SLCO1A2: variants seen among roughly 807,000 people sequenced by gnomAD.
SLCO1A2 encodes the protein OATP-1.
SLCO1A2 carries 67 observed loss-of-function variants against 69.0 expected under a neutral mutation model. The ratio of observed to expected loss-of-function variants is 0.97; its 90% CI spans 0.80 to 1.19. SLCO1A2 has a LOEUF of 1.19. SLCO1A2 is among the 50% of genes most tolerant of loss of function. SLCO1A2 has a pLI of 0.00. For missense variants in SLCO1A2, 787 were observed against 793.7 expected (o/e 0.99, Z 0.10); for synonymous variants, 260 against 265.9 (o/e 0.98, Z 0.22).
chr12:21,398,463 C>A (rs1451964485), upstream of SLCO1A2, among the ~76,000 whole-genome samples: 2 of 144,614 alleles, frequency 1.4e-5, no homozygotes, highest in Admixed American at 7.0e-5. Flanking sequence ...GGAACTGGTA[C>A]CATTCCTTCT....
intron 2 of SLCO1A2, among the ~76,000 whole-genome samples, chr12:21,350,835 C>CAAAAAAAAAAAAA (rs11454466): frequency 4.9e-5 from 2 of 40,732 alleles, no homozygotes; most frequent in African/African-American, 2.0e-4. Flanking sequence ...GACTCTGTCT[C>CAAAAAAAAAAAAA]AAAAAAAAAA....
At chr12:21,323,678 C>T (rs1951926176) in intron 2 of SLCO1A2, among the ~76,000 whole-genome samples, 1 of 152,182 alleles carries the variant, frequency 6.6e-6, no homozygotes, top group Non-Finnish European at 1.5e-5. Flanking sequence ...CACAAGGTAT[C>T]TTTATCCTCT....
Position 21,334,836 on chromosome 12 carries a change from T to TG in SLCO1A2, c.-73_-72insC, listed in dbSNP as rs1952827221. 2.5e-6 allele frequency: 1 copy of TG among 406,656 alleles called. No homozygotes were observed. Among genetic ancestry groups the TG allele is most frequent in the African/African-American group, 5.4e-5 (1 of 18,448 alleles). 25.2% of individuals were successfully genotyped at this position (406,656 alleles called of 1,614,324 possible). On this transcript the variant is annotated 5_prime_UTR_variant, in exon 1 of 15. Transcript: ENST00000683939. ...TGCATTACAAAAATACCTGGAACGC[T>TG]TTAATACAGATTAGAAAATCATGGT...
At chr12:21,402,559 T>C (rs1311423410) in intron 1 of SLCO1A2, among the ~76,000 whole-genome samples, 2 of 152,076 alleles carry the variant, frequency 1.3e-5, no homozygotes, top group Non-Finnish European at 2.9e-5. Context: ...GGATTGCATA[T>C]TGCAGTACAC....
At chr12:21,378,460 T>G in intron 1 of SLCO1A2, 1 of 1,527,390 alleles carries the variant, frequency 6.5e-7, no homozygotes, top group Non-Finnish European at 9.1e-7. Flanking sequence ...TTGTTTTATG[T>G]TCTAGTGATT....
chr12:21,328,973 G>C (rs887955008), intron 2 of SLCO1A2, among the ~76,000 whole-genome samples: 1 of 152,164 alleles, frequency 6.6e-6, no homozygotes. Context: ...ATTTTATAGG[G>C]ATGGTTGGGA....
chr12:21,303,881 A>T (rs1158554048), intron 6 of SLCO1A2, among the ~76,000 whole-genome samples: 2 of 152,224 alleles, frequency 1.3e-5, no homozygotes, highest in Non-Finnish European at 2.9e-5. Context: ...ATGAGTAATA[A>T]GTGGACAGAT....
intron 1 of SLCO1A2, chr12:21,378,447 T>C: frequency 6.4e-7 from 1 of 1,570,592 alleles, no homozygotes; most frequent in Non-Finnish European, 8.8e-7. Flanking sequence ...AACTCTATAG[T>C]TATTGTTTTA....
intron 1 of SLCO1A2, among the ~76,000 whole-genome samples, chr12:21,402,384 A>G (rs1941735031): frequency 6.6e-6 from 1 of 152,126 alleles, no homozygotes; most frequent in African/African-American, 2.4e-5. Context: ...GAAAATGCAA[A>G]TAGACAAAAA....
chr12:21,343,445 T>C (rs1466490965), intron 2 of SLCO1A2, among the ~76,000 whole-genome samples: 1 of 152,116 alleles, frequency 6.6e-6, no homozygotes, highest in Admixed American at 6.6e-5. Context: ...GCCCCTTTTT[T>C]CTTGCAGGAC....
rs1483479690 is a variant in SLCO1A2 at position 21,268,593 on chromosome 12, T to G, written c.*955A>C. On this transcript the variant is annotated 3_prime_UTR_variant, in exon 15 of 15. Transcript: ENST00000683939. The stretch of plus-strand genomic sequence containing the variant: ...AATAATAATATAAGTAGATTTAGCT[T>G]TTAATATGTACCTTAGCCTTTACTA... 4 of 152,110 alleles carry G rather than the reference T, an allele frequency of 2.6e-5. No individual in the cohort carries two copies. The highest frequency in any genetic ancestry group is 9.7e-5 in the African/African-American group (4 of 41,430). The allele number at this position is 152,110 out of a possible 1,614,324, so 9.4% of individuals were successfully genotyped here.
intron 2 of SLCO1A2, among the ~76,000 whole-genome samples, chr12:21,348,594 C>G (rs1937683263): frequency 6.6e-6 from 1 of 152,012 alleles, no homozygotes; most frequent in Non-Finnish European, 1.5e-5. Flanking sequence ...TTTTTACTCC[C>G]TTTTTTAAAA....
rs77174875 is a variant in SLCO1A2, at chr12:21,392,863, A to G, written c.-190+2043T>C. 7.2e-4 allele frequency among the ~76,000 whole-genome samples: 109 copies of G among 152,356 alleles called. 1 individual carries two copies. The highest frequency in any genetic ancestry group is 2.6e-3 in the African/African-American group (107 of 41,592). On this transcript the variant is annotated intron_variant, in intron 1 of 15. Transcript: ENST00000307378. The stretch of plus-strand genomic sequence containing the variant: ...TCATTTTCCATGTAGACCCTTTTGA[A>G]AAGCCAACCTCTCTGAAAATGTATC...
At chr12:21,395,974 C>A (rs199940639), upstream of SLCO1A2, among the ~76,000 whole-genome samples, 42 of 151,010 alleles carry the variant, frequency 2.8e-4, no homozygotes, top group East Asian at 7.1e-3. Flanking sequence ...GCCTCTCCTC[C>A]TCCAAAGGAA....
chr12:21,273,338 C>T (rs1699712388), intron 14 of SLCO1A2, among the ~76,000 whole-genome samples: 1 of 152,060 alleles, frequency 6.6e-6, no homozygotes, highest in South Asian at 2.1e-4. Context: ...TTTACTGTTC[C>T]AACATCCTTG....
At chr12:21,290,076 CAT>C (rs755651314) in intron 12 of SLCO1A2, among the ~76,000 whole-genome samples, 3 of 151,264 alleles carry the variant, frequency 2.0e-5, no homozygotes, top group Non-Finnish European at 2.9e-5. Context: ...TGTGTGTGTG[CAT>C]ATAGAGACAT....
rs764399843 is a variant in SLCO1A2, at chr12:21,274,523, G to A, written c.1739C>T (p.Thr580Ile). The change falls in exon 14 of 15, where the codon ACT becomes ATT. Residue 580 changes from threonine (T) to isoleucine (I), a missense_variant. Transcript: ENST00000683939. ...TGCCCCTGACTCACCACATTTCAAA[G>A]TTCCCCAGTGTAAACATGTGGAATC... is the stretch of plus-strand genomic sequence containing the variant. Reference protein sequence around the residue: ...LMDSTCLHWGTLKCGESGACR... With the variant: ...LMDSTCLHWGILKCGESGACR... 5.6e-6 allele frequency: 9 copies of A among 1,613,654 alleles called. No homozygotes were observed. In the African/African-American group the frequency reaches 8.0e-5, roughly 14 times the overall value.
chr12:21,413,570 C>A (rs548809397), intron 1 of SLCO1A2, among the ~76,000 whole-genome samples: 2 of 152,210 alleles, frequency 1.3e-5, no homozygotes, highest in Non-Finnish European at 2.9e-5. Context: ...CACAGACAGG[C>A]CTGCATAGCA....
intron 12 of SLCO1A2, among the ~76,000 whole-genome samples, chr12:21,280,180 GGAAGA>G (rs1944534094): frequency 6.6e-6 from 1 of 151,932 alleles, no homozygotes; most frequent in African/African-American, 2.4e-5. Context: ...AAGAAAAAAA[GGAAGA>G]GAAAACCAGA....
Sources: gnomAD v4.1 joint callset for allele counts (sites outside exome capture counted in the v4.1 genomes callset) on GRCh38, gnomAD v4.1.1 for gene constraint, MANE v1.5 for transcripts, NCBI Gene and HGNC (gene_info 2026-07-23, HGNC 2026-07-21) for gene names.